The following CHP1 variants were observed in gnomAD, a reference collection of about 807,000 sequenced individuals.
The protein encoded by CHP1 is calcineurin like EF-hand protein 1.
A neutral mutation model predicts 27.4 loss-of-function variants in CHP1; 11 were observed. That is an observed-to-expected ratio of 0.40 (90% CI 0.25 to 0.67). The LOEUF (loss-of-function observed/expected upper bound fraction) is 0.67, where lower values mean the gene tolerates loss of function less well. CHP1 is among the 30% of genes least tolerant of loss of function. The probability of loss-of-function intolerance (pLI) is 0.38; values close to 1 mark genes in which losing one functional copy is unlikely to be tolerated. For synonymous variants in CHP1, 89 were observed against 87.4 expected (o/e 1.02, Z -0.10); for missense variants, 169 against 251.3 (o/e 0.67, Z 2.22).
At chr15:41,276,374 C>CA in intron 5 of CHP1, among the ~76,000 whole-genome samples, 1 of 152,240 alleles carries the variant, frequency 6.6e-6, no homozygotes, top group East Asian at 1.9e-4. Flanking sequence ...CATCTGAAGA[C>CA]AGAGGTGGCT....
At chr15:41,270,866 C>T (rs1215624426) in intron 5 of CHP1, among the ~76,000 whole-genome samples, 1 of 152,170 alleles carries the variant, frequency 6.6e-6, no homozygotes, top group Non-Finnish European at 1.5e-5. Flanking sequence ...GTAATCCCAG[C>T]ATTTTGGGAT....
In CHP1 at chr15:41,265,363, C is replaced by CAAAAAAA. The variant is rs544658200; in HGVS notation, c.349+2506_349+2512dup. Reference sequence around the variant, plus strand: ...TGGGTGATAGAGCGAGACTCTGTCTCAAAAAAAAAAAAAAAAAAAAAAAAA... The same window carrying CAAAAAAA: ...TGGGTGATAGAGCGAGACTCTGTCTCAAAAAAAAAAAAAAAAAAAAAAAAAAAAAAAA... On this transcript the variant is annotated intron_variant, in intron 4 of 6. Coordinates refer to ENST00000334660, the MANE Select transcript of CHP1 (RefSeq NM_007236.5). Among the ~76,000 whole-genome samples, 57 of 36,922 alleles carry CAAAAAAA rather than the reference C, an allele frequency of 1.5e-3. 3 individuals carry two copies. The highest frequency in any genetic ancestry group is 4.9e-3 in the African/African-American group (53 of 10,824). 24.2% of individuals were successfully genotyped at this position (36,922 alleles called of 152,430 possible). A position where few individuals can be genotyped will look rare whatever the true frequency, so the allele number is the denominator to read the frequency against.
intron 5 of CHP1, among the ~76,000 whole-genome samples, 167 bp downstream of exon 5, chr15:41,270,785 C>T (rs2047484740): frequency 6.6e-6 from 1 of 152,132 alleles, no homozygotes; most frequent in Non-Finnish European, 1.5e-5. Context: ...TGAAATGGCT[C>T]ATTGTGTTTT....
At position 41,256,991 on chromosome 15, in the gene CHP1, G is replaced by T; in HGVS notation, c.221+1G>T. ...TCATCAATGCCTTCTTTCCAGAGGGGTGAGTCAGTACAGTTGTTGGACTTC... is the reference window on the plus strand; with the variant it reads ...TCATCAATGCCTTCTTTCCAGAGGGTTGAGTCAGTACAGTTGTTGGACTTC... On this transcript the variant is annotated splice_donor_variant, in intron 3 of 6. Coordinates refer to ENST00000334660, the MANE Select transcript of CHP1 (RefSeq NM_007236.5). LOFTEE classifies it high-confidence loss of function. The T allele has an allele frequency of 6.2e-7, 1 of 1,612,468 alleles. No homozygotes were observed. The highest frequency in any genetic ancestry group is 8.5e-7 in the Non-Finnish European group (1 of 1,178,524).
chr15:41,277,736 C>T (rs963100852), intron 5 of CHP1, among the ~76,000 whole-genome samples: 97 of 147,908 alleles, frequency 6.6e-4, no homozygotes, highest in African/African-American at 2.3e-3. Context: ...TGCAGTGAGC[C>T]GAGATCGTGC....
chr15:41,237,721 A>G (rs899012190), intron 1 of CHP1, among the ~76,000 whole-genome samples: 14 of 152,068 alleles, frequency 9.2e-5, no homozygotes, highest in African/African-American at 3.4e-4. Context: ...CAAGGACAAA[A>G]TAACTTTTTC....
Position 41,270,625 on chromosome 15 carries a change from G to A in CHP1, c.411+7G>A, listed in dbSNP as rs373047603. Reference sequence around the variant, plus strand: ...CCGTGATGAGCTGTTACAGGTATGTGGAGAGCTCCTCGAGAACTTGTGCTT... The same window carrying A: ...CCGTGATGAGCTGTTACAGGTATGTAGAGAGCTCCTCGAGAACTTGTGCTT... On this transcript the variant is annotated splice_region_variant and intron_variant, in intron 5 of 6. Coordinates refer to ENST00000334660, the MANE Select transcript of CHP1 (RefSeq NM_007236.5). 5.3e-5 allele frequency: 86 copies of A among 1,610,238 alleles called. No homozygotes were observed. The African/African-American group carries it at 1.1e-3, about 21-fold the overall frequency.
At chr15:41,238,588 C>T in intron 1 of CHP1, among the ~76,000 whole-genome samples, 1 of 151,832 alleles carries the variant, frequency 6.6e-6, no homozygotes, top group East Asian at 1.9e-4. Context: ...GCCTGTAATC[C>T]CAGCACTTTA....
chr15:41,279,730 C>A lies in CHP1; in HGVS notation c.*341C>A. 3.9e-6 allele frequency: 1 copy of A among 256,926 alleles called. No individual in the cohort carries two copies. Among genetic ancestry groups the A allele is most frequent in the Non-Finnish European group, 7.4e-6 (1 of 134,468 alleles). The allele number at this position is 256,926 out of a possible 1,614,324, so 15.9% of individuals were successfully genotyped here. ...CAAGAACAAGCCAGCAAAGCTCTTT[C>A]ACCAGATGTAGACTGTAGCCCTGCT... On this transcript the variant is annotated 3_prime_UTR_variant, in exon 7 of 7. Coordinates refer to ENST00000334660, the MANE Select transcript of CHP1 (RefSeq NM_007236.5).
intron 5 of CHP1, among the ~76,000 whole-genome samples, chr15:41,274,607 C>T (rs529092195): frequency 5.9e-5 from 9 of 151,944 alleles, no homozygotes; most frequent in South Asian, 4.2e-4. Flanking sequence ...CCCGACCCTC[C>T]GACTCACACT....
chr15:41,278,031 T>C lies in CHP1; in HGVS notation c.412-736T>C, dbSNP rs898972425. On this transcript the variant is annotated intron_variant, in intron 5 of 6. Coordinates refer to ENST00000334660, the MANE Select transcript of CHP1 (RefSeq NM_007236.5). ...AGTAAAAATATGGTATTGTAATCTT[T>C]TTTAACAAATTTTTTGGCCGGGCGC... 1.8e-4 allele frequency among the ~76,000 whole-genome samples: 28 copies of C among 151,454 alleles called. No homozygotes were observed. The East Asian group carries it at 3.0e-3, about 16-fold the overall frequency.
chr15:41,253,450 TTTA>T (rs1220540505), intron 2 of CHP1, among the ~76,000 whole-genome samples: 3 of 150,290 alleles, frequency 2.0e-5, no homozygotes, highest in African/African-American at 7.3e-5. Flanking sequence ...TATTTATTTA[TTTA>T]TTTATTTATT....
intron 1 of CHP1, among the ~76,000 whole-genome samples, chr15:41,232,611 C>G (rs1234333446): frequency 6.6e-6 from 1 of 152,078 alleles, no homozygotes; most frequent in Non-Finnish European, 1.5e-5. Flanking sequence ...ACCATCATAA[C>G]TTTGAATAGT....
intron 4 of CHP1, chr15:41,264,136 C>CTTTTTTTTTTTTTTT: frequency 9.1e-7 from 1 of 1,093,242 alleles, no homozygotes; most frequent in Non-Finnish European, 1.2e-6. Context: ...GTTAACAGGG[C>CTTTTTTTTTTTTTTT]TTTTTTTTTT....
At position 41,238,389 on chromosome 15, in the gene CHP1, C is replaced by T. The variant is rs548130713; in HGVS notation, c.68-5278C>T. On this transcript the variant is annotated intron_variant, in intron 1 of 6. Transcript: ENST00000334660. ...TTGCCCAGGCTAGTTTTGAACTGGC[C>T]TTTCGTCAAGGGATCCTCCCACTTT... Among the ~76,000 whole-genome samples the T allele has an allele frequency of 6.6e-5, 10 of 151,458 alleles. No homozygotes were observed. The East Asian group carries it at 1.8e-3, about 27-fold the overall frequency.
intron 2 of CHP1, among the ~76,000 whole-genome samples, chr15:41,254,821 C>T (rs930751373): frequency 2.0e-5 from 3 of 152,300 alleles, no homozygotes; most frequent in South Asian, 2.1e-4. Context: ...TATTATCTTC[C>T]GTCTTTGCTA....
At chr15:41,273,044 G>A (rs942835598) in intron 5 of CHP1, among the ~76,000 whole-genome samples, 7 of 151,706 alleles carry the variant, frequency 4.6e-5, no homozygotes, top group East Asian at 2.0e-4. Flanking sequence ...GCAACAGGGC[G>A]AGACTCCGTC....
At chr15:41,239,185 G>A (rs189099185) in intron 1 of CHP1, among the ~76,000 whole-genome samples, 6 of 151,998 alleles carry the variant, frequency 3.9e-5, no homozygotes, top group Non-Finnish European at 7.4e-5. Context: ...TAACCATATC[G>A]TTATGGTTCT....
chr15:41,259,641 T>C (rs2047421642), intron 3 of CHP1, among the ~76,000 whole-genome samples: 1 of 152,188 alleles, frequency 6.6e-6, no homozygotes, highest in South Asian at 2.1e-4. Context: ...TTCTAGCATA[T>C]GTTTTAAACT....
Sources: allele counts gnomAD v4.1 joint callset (sites outside exome capture counted in the v4.1 genomes callset), GRCh38; gene constraint gnomAD v4.1.1; transcripts MANE v1.5; gene names NCBI Gene and HGNC (gene_info 2026-07-23, HGNC 2026-07-21).